DAPK2: variants seen among roughly 807,000 people sequenced by gnomAD.
The protein encoded by DAPK2 is death-associated protein kinase 2.
Under a neutral mutation model 44.1 loss-of-function variants are expected in DAPK2, and 35 were observed. That is an observed-to-expected ratio of 0.79 (90% CI 0.61 to 1.05). The LOEUF (loss-of-function observed/expected upper bound fraction) is 1.05. Ranked by LOEUF, DAPK2 falls within the 50% of genes least tolerant of loss-of-function variation. The pLI, the probability that DAPK2 is intolerant of heterozygous loss-of-function variation, is 0.00. For missense variants in DAPK2, 453 were observed against 483.2 expected (o/e 0.94, Z 0.59); for synonymous variants, 174 against 182.6 (o/e 0.95, Z 0.38).
chr15:64,004,375 T>C (rs1042838243), intron 1 of DAPK2, among the ~76,000 whole-genome samples: 13 of 152,182 alleles, frequency 8.5e-5, no homozygotes, highest in African/African-American at 3.1e-4. Flanking sequence ...TAACGTTGGC[T>C]ATCTCTCTTT....
intron 7 of DAPK2, 31 bp downstream of exon 8, chr15:63,925,910 T>G: frequency 6.2e-7 from 1 of 1,613,732 alleles, no homozygotes. Flanking sequence ...GATCAGTACC[T>G]GAGAAACCAG....
intron 1 of DAPK2, among the ~76,000 whole-genome samples, chr15:64,003,203 G>A (rs2079143732): frequency 6.6e-6 from 1 of 152,086 alleles, no homozygotes; most frequent in Non-Finnish European, 1.5e-5. Context: ...ATGGACAGAC[G>A]ACCCCCTACT....
In DAPK2 at chr15:63,924,955, C is replaced by A. The variant is rs537924368; in HGVS notation, c.813-94G>T. On this transcript the variant is annotated intron_variant, in intron 7 of 10. Coordinates refer to ENST00000261891, the Ensembl canonical transcript of DAPK2. ...CACTCTTTTTAGACCTATATTTTGG[C>A]ATTATTTGGCCACTGCCGTCAAACC... The A allele has an allele frequency of 4.3e-6, 6 of 1,396,768 alleles. No homozygotes were observed. In the South Asian group the frequency reaches 7.6e-5, roughly 18 times the overall value. 86.5% of individuals were successfully genotyped at this position (1,396,768 alleles called of 1,614,324 possible).
At chr15:64,022,860 G>A (rs2079730677) in intron 1 of DAPK2, among the ~76,000 whole-genome samples, 1 of 152,158 alleles carries the variant, frequency 6.6e-6, no homozygotes, top group Non-Finnish European at 1.5e-5. Flanking sequence ...CCCTAAAAGA[G>A]CGCACAGTCC....
intron 3 of DAPK2, among the ~76,000 whole-genome samples, chr15:63,967,730 C>T (rs527342976): frequency 1.1e-4 from 16 of 152,236 alleles, no homozygotes; most frequent in South Asian, 4.2e-4. Flanking sequence ...CTCCCTGCAA[C>T]GAGGCTAGGA....
At chr15:64,037,173 T>G (rs2080234220) in intron 1 of DAPK2, among the ~76,000 whole-genome samples, 1 of 152,114 alleles carries the variant, frequency 6.6e-6, no homozygotes, top group Non-Finnish European at 1.5e-5. Flanking sequence ...TGGCAGGGAA[T>G]TCACCACCTG....
At position 63,969,077 on chromosome 15, in the gene DAPK2, T is replaced by C. The variant is rs118181880; in HGVS notation, c.453+2346A>G. Reference sequence around the variant, plus strand: ...TCCTTGGTGACCCCCATTTTTACCCTGTGACGCCTCAGTAAAACTCTGGAA... The same window carrying C: ...TCCTTGGTGACCCCCATTTTTACCCCGTGACGCCTCAGTAAAACTCTGGAA... On this transcript the variant is annotated intron_variant, in intron 3 of 10. Coordinates refer to ENST00000261891, the Ensembl canonical transcript of DAPK2. Among the ~76,000 whole-genome samples the C allele has an allele frequency of 3.7e-3, 564 of 152,238 alleles. 7 individuals carry two copies. The highest frequency in any genetic ancestry group is 4.4e-3 in the Non-Finnish European group (302 of 68,002).
chr15:64,021,084 A>T (rs1314115025), intron 1 of DAPK2, among the ~76,000 whole-genome samples: 2 of 152,212 alleles, frequency 1.3e-5, no homozygotes, highest in Non-Finnish European at 2.9e-5. Flanking sequence ...GATCTAGAAC[A>T]TCTATGGCAA....
At chr15:63,991,332 AC>A (rs1240073349) in intron 1 of DAPK2, 6 of 456,184 alleles carry the variant, frequency 1.3e-5, no homozygotes, top group South Asian at 9.3e-5. Flanking sequence ...GTCTGGAACA[AC>A]AGAATGCCAG....
At chr15:63,942,014 G>T (rs2077323148) in intron 3 of DAPK2, among the ~76,000 whole-genome samples, 1 of 152,222 alleles carries the variant, frequency 6.6e-6, no homozygotes, top group Non-Finnish European at 1.5e-5. Context: ...TCTCCCTGGG[G>T]CTGAAGGGCC....
At chr15:64,045,209 A>T (rs1209157201), upstream of DAPK2, among the ~76,000 whole-genome samples, 1 of 152,142 alleles carries the variant, frequency 6.6e-6, no homozygotes, top group Non-Finnish European at 1.5e-5. Flanking sequence ...ACCTCCAGCC[A>T]CATCCACACA....
At chr15:63,986,989 G>A (rs577054830) in intron 1 of DAPK2, among the ~76,000 whole-genome samples, 78 of 152,298 alleles carry the variant, frequency 5.1e-4, no homozygotes, top group African/African-American at 1.7e-3. Context: ...CAGGAAAGGA[G>A]TAAAGAAAGG....
intron 1 of DAPK2, among the ~76,000 whole-genome samples, chr15:63,984,288 C>T (rs143162852): frequency 7.9e-5 from 12 of 152,298 alleles, no homozygotes; most frequent in Admixed American, 3.3e-4. Context: ...CTGAGGTCAT[C>T]GCAGAGTTAA....
intron 1 of DAPK2, among the ~76,000 whole-genome samples, chr15:64,005,693 A>G (rs1303365494): frequency 6.6e-6 from 1 of 152,094 alleles, no homozygotes; most frequent in East Asian, 1.9e-4. Flanking sequence ...AGTAAACACA[A>G]AGACTAGATC....
Position 64,020,894 on chromosome 15 carries a change from C to T in DAPK2, c.92+19276G>A, listed in dbSNP as rs1451779276. Among the ~76,000 whole-genome samples, 1 of 152,188 alleles carries T rather than the reference C, an allele frequency of 6.6e-6. No individual in the cohort carries two copies. Among genetic ancestry groups the T allele is most frequent in the African/African-American group, 2.4e-5 (1 of 41,452 alleles). Reference sequence around the variant, plus strand: ...GACCCACATTCAGGTCTCACTTCTGCCACCAAAATGCCTTGTGACCCAGAG... The same window carrying T: ...GACCCACATTCAGGTCTCACTTCTGTCACCAAAATGCCTTGTGACCCAGAG... On this transcript the variant is annotated intron_variant, in intron 1 of 10. Transcript: ENST00000261891. This position sits in a 1 kb window ranked among gnomAD's most constrained non-coding sequence, Gnocchi z 4.5.
upstream of DAPK2, among the ~76,000 whole-genome samples, chr15:64,044,016 G>A (rs116690969): frequency 1.4e-3 from 213 of 152,274 alleles, 1 homozygote; most frequent in African/African-American, 4.4e-3. Flanking sequence ...CTCCTAAGGC[G>A]AATTTGCATT....
At chr15:63,986,139 G>T (rs940368196) in intron 1 of DAPK2, among the ~76,000 whole-genome samples, 1 of 152,200 alleles carries the variant, frequency 6.6e-6, no homozygotes, top group Non-Finnish European at 1.5e-5. Flanking sequence ...TCCTTGGGCT[G>T]TTTCCAGAAG....
chr15:63,935,504 G>C (rs2077118024), intron 4 of DAPK2: 2 of 152,170 alleles, frequency 1.3e-5, no homozygotes, highest in African/African-American at 4.8e-5. Flanking sequence ...GTTGTTTTGA[G>C]AAATATGCTG....
intron 1 of DAPK2, among the ~76,000 whole-genome samples, chr15:63,999,162 A>G (rs1423399138): frequency 1.3e-5 from 2 of 152,186 alleles, no homozygotes; most frequent in Non-Finnish European, 2.9e-5. Context: ...CTGTTCTGAG[A>G]GGAGTTTTCC....
Sources: gnomAD v4.1 joint callset for allele counts (sites outside exome capture counted in the v4.1 genomes callset) on GRCh38, gnomAD v4.1.1 for gene constraint, Gnocchi (gnomAD v3.1) non-coding constraint, MANE v1.5 for transcripts, NCBI Gene and HGNC (gene_info 2026-07-23, HGNC 2026-07-21) for gene names.